ACBD7: variants seen among roughly 807,000 people sequenced by gnomAD.
ACBD7 encodes acyl-CoA binding domain containing 7.
A neutral mutation model predicts 13.7 loss-of-function variants in ACBD7; 11 were observed. The ratio of observed to expected loss-of-function variants is 0.80; its 90% CI spans 0.50 to 1.33. The LOEUF is 1.33. Ranked by LOEUF, ACBD7 falls within the 40% of genes most tolerant of loss-of-function variation. The pLI is 0.00. For synonymous variants in ACBD7, 43 were observed against 37.7 expected, an observed-to-expected ratio of 1.14 and a Z score of -0.51; for missense variants, 111 against 103.0, an observed-to-expected ratio of 1.08 and a Z score of -0.33.
rs1027462498 is a variant in ACBD7, at chr10:15,076,915, C to T, written c.*1615G>A. 5.1e-6 allele frequency: 5 copies of T among 985,136 alleles called. No homozygotes were observed. Among genetic ancestry groups the T allele is most frequent in the Non-Finnish European group, 6.0e-6 (5 of 829,900 alleles). The allele number at this position is 985,136 out of a possible 1,614,324, so 61.0% of individuals were successfully genotyped here. ...CTGTTCAAATCTGTACACATATTAC[C>T]AGGGCTAGACTTTCTAAAAAGTCAA... On this transcript the variant is annotated 3_prime_UTR_variant, in exon 4 of 4. Coordinates refer to ENST00000356189, the MANE Select transcript of ACBD7 (RefSeq NM_001039844.3).
rs10541297 is a variant in ACBD7, at chr10:15,075,976, C to CAAAAAA, written c.*2548_*2553dup. On this transcript the variant is annotated 3_prime_UTR_variant, in exon 4 of 4. Coordinates refer to ENST00000356189, the MANE Select transcript of ACBD7 (RefSeq NM_001039844.3). ...GTAACAGAGTGACAGCCTGTCTCAACAAAAAAAAAAAAAAAAAAAAAGAAA... is the reference window on the plus strand; with the variant it reads ...GTAACAGAGTGACAGCCTGTCTCAACAAAAAAAAAAAAAAAAAAAAAAAAAAAGAAA... The CAAAAAA allele has an allele frequency of 2.2e-4, 69 of 313,640 alleles. No individual in the cohort carries two copies. Among genetic ancestry groups the CAAAAAA allele is most frequent in the Admixed American group, 6.2e-4 (6 of 9,614 alleles). The allele number at this position is 313,640 out of a possible 1,614,324, so 19.4% of individuals were successfully genotyped here.
intron 1 of ACBD7, chr10:15,088,401 G>A (rs1844833385): frequency 1.2e-5 from 6 of 482,788 alleles, no homozygotes; most frequent in South Asian, 2.8e-5. Context: ...GCGAAGGGGC[G>A]GGAGCGGGGG....
chr10:15,082,636 A>C (rs1327325383), intron 1 of ACBD7, among the ~76,000 whole-genome samples: 2 of 152,184 alleles, frequency 1.3e-5, no homozygotes, highest in African/African-American at 4.8e-5. Context: ...TTTATAGGCC[A>C]TCTCAGGTGT....
chr10:15,079,195 C>G (rs988333252), intron 1 of ACBD7, among the ~76,000 whole-genome samples, 155 bp from the exon 2 acceptor site: 1 of 151,870 alleles, frequency 6.6e-6, no homozygotes, highest in African/African-American at 2.4e-5. Context: ...CCTAGGAGTT[C>G]ACCTCTCCTG....
intron 1 of ACBD7, among the ~76,000 whole-genome samples, chr10:15,085,969 A>G (rs2131398635): frequency 6.6e-6 from 1 of 152,318 alleles, no homozygotes; most frequent in South Asian, 2.1e-4. Context: ...TAATAAAGAC[A>G]GAAGAGATTT....
Position 15,078,715 on chromosome 10 carries a change from ATT to A in ACBD7, c.167_168del (p.Lys56MetfsTer22). On this transcript the variant is annotated frameshift_variant, in exon 3 of 4. Coordinates refer to ENST00000356189, the MANE Select transcript of ACBD7 (RefSeq NM_001039844.3). LOFTEE classifies it high-confidence loss of function. The stretch of plus-strand genomic sequence containing the variant: ...CCTTTTTTGAGGTTCCATGCTTCCC[ATT>A]TGGCTTTGCCTTTTAAATCTAGCAT... ...PGMLDLKGKA[K>X]WEAWNLKKGL... The A allele has an allele frequency of 6.2e-7, 1 of 1,614,030 alleles. No homozygotes were observed. Among genetic ancestry groups the A allele is most frequent in the Non-Finnish European group, 8.5e-7 (1 of 1,179,992 alleles).
chr10:15,081,307 A>G (rs1016273568), intron 1 of ACBD7, among the ~76,000 whole-genome samples: 1 of 152,174 alleles, frequency 6.6e-6, no homozygotes, highest in Admixed American at 6.5e-5. Context: ...GGAATTCTTA[A>G]CAGGACCCAT....
At chr10:15,079,536 A>C (rs1844725199) in intron 1 of ACBD7, among the ~76,000 whole-genome samples, 1 of 150,264 alleles carries the variant, frequency 6.7e-6, no homozygotes, top group Non-Finnish European at 1.5e-5. Flanking sequence ...CGGCCTCCCA[A>C]AGTGCTGTGA....
chr10:15,080,874 C>T (rs571128008), intron 1 of ACBD7, among the ~76,000 whole-genome samples: 22 of 152,174 alleles, frequency 1.4e-4, no homozygotes, highest in Admixed American at 4.6e-4. Context: ...TTTTAAAACT[C>T]AGGATAAGCA....
chr10:15,084,608 C>T (rs1033488757), intron 1 of ACBD7, among the ~76,000 whole-genome samples: 1 of 152,164 alleles, frequency 6.6e-6, no homozygotes, highest in Non-Finnish European at 1.5e-5. Flanking sequence ...TGTGCTTAAA[C>T]GCCCTCCAGA....
Position 15,076,188 on chromosome 10 carries a change from G to A in ACBD7, c.*2342C>T. ...CTAAATTTTTATGCAGGGAATAGAG[G>A]TACACTGTTTTGGGGGATATTTATC... is the stretch of plus-strand genomic sequence containing the variant. On this transcript the variant is annotated 3_prime_UTR_variant, in exon 4 of 4. Transcript: ENST00000356189. 1.0e-6 allele frequency: 1 copy of A among 985,134 alleles called. No individual in the cohort carries two copies. The highest frequency in any genetic ancestry group is 1.2e-6 in the Non-Finnish European group (1 of 829,840). The allele number at this position is 985,134 out of a possible 1,614,324, so 61.0% of individuals were successfully genotyped here. A position where few individuals can be genotyped will look rare whatever the true frequency, so the allele number is the denominator to read the frequency against.
At chr10:15,082,283 C>CAAAA (rs78001272) in intron 1 of ACBD7, among the ~76,000 whole-genome samples, 3 of 65,784 alleles carry the variant, frequency 4.6e-5, no homozygotes, top group Non-Finnish European at 6.4e-5. Flanking sequence ...AAGACTATCT[C>CAAAA]AAAAAAAAAA....
intron 1 of ACBD7, among the ~76,000 whole-genome samples, chr10:15,084,448 C>A (rs1048407984): frequency 2.6e-5 from 4 of 152,114 alleles, no homozygotes; most frequent in Admixed American, 2.6e-4. Flanking sequence ...AAGTTCTTGG[C>A]ATTTTGAACA....
intron 1 of ACBD7, among the ~76,000 whole-genome samples, chr10:15,083,783 A>G (rs1300359543): frequency 6.6e-6 from 1 of 152,162 alleles, no homozygotes; most frequent in Non-Finnish European, 1.5e-5. Flanking sequence ...ATGCCCGGCC[A>G]AGAATGTAAA....
intron 1 of ACBD7, among the ~76,000 whole-genome samples, chr10:15,079,268 C>CCT (rs1844721499): frequency 7.9e-6 from 1 of 126,454 alleles, no homozygotes; most frequent in Admixed American, 8.5e-5. Flanking sequence ...GGTTTAACTT[C>CCT]TTTTTTTTTT....
chr10:15,078,739 G>C lies in ACBD7; in HGVS notation c.145C>G (p.Leu49Val). The change falls in exon 3 of 4, where the codon CTA becomes GTA. Residue 49 changes from leucine to valine, a missense_variant. Physicochemically the swap from Leu to Val is conservative, Grantham distance 32. Coordinates refer to ENST00000356189, the MANE Select transcript of ACBD7 (RefSeq NM_001039844.3). ...GDINIACPGM[L>V]DLKGKAKWEA... The stretch of plus-strand genomic sequence containing the variant: ...CATTTGGCTTTGCCTTTTAAATCTA[G>C]CATTCCTGGACACGCTGGCAAAAGA... 1 of 1,613,880 alleles carries C rather than the reference G, an allele frequency of 6.2e-7. No individual in the cohort carries two copies. The highest frequency in any genetic ancestry group is 1.3e-5 in the African/African-American group (1 of 75,002).
At position 15,075,717 on chromosome 10, in the gene ACBD7, T is replaced by C. The variant is rs1844670843; in HGVS notation, c.*2813A>G. 6.6e-6 allele frequency among the ~76,000 whole-genome samples: 1 copy of C among 152,110 alleles called. No individual in the cohort carries two copies. The highest frequency in any genetic ancestry group is 1.5e-5 in the Non-Finnish European group (1 of 68,018). On this transcript the variant is annotated 3_prime_UTR_variant, in exon 4 of 4. Transcript: ENST00000356189. ...GGCTGGACGCGGTGGCTCATGCCTA[T>C]AGTCTCAGCACTTTGGGGGGCCAAG...
chr10:15,084,482 C>G (rs1844786659), intron 1 of ACBD7, among the ~76,000 whole-genome samples: 2 of 152,086 alleles, frequency 1.3e-5, no homozygotes, highest in South Asian at 2.1e-4. Context: ...AATGCACAAA[C>G]AAAGCAAGGA....
intron 1 of ACBD7, among the ~76,000 whole-genome samples, chr10:15,087,605 CA>C (rs1456403867): frequency 6.6e-6 from 1 of 152,106 alleles, no homozygotes; most frequent in African/African-American, 2.4e-5. Flanking sequence ...AGCGAAACCC[CA>C]TCTCCACTAA....
Sources: allele counts gnomAD v4.1 joint callset (sites outside exome capture counted in the v4.1 genomes callset), GRCh38; gene constraint gnomAD v4.1.1; transcripts MANE v1.5; gene names NCBI Gene and HGNC (gene_info 2026-07-23, HGNC 2026-07-21).